Variants in TSHR observed in about 807,000 individuals in gnomAD.
TSHR encodes the protein thyrotropin receptor.
In TSHR, 51 loss-of-function variants were observed where a neutral mutation model predicts 64.1. The ratio of observed to expected loss-of-function variants is 0.80; its 90% CI spans 0.64 to 1.01. The LOEUF is 1.01. Among genes scored for constraint, TSHR ranks in the 50% least tolerant of loss-of-function variants. TSHR has a pLI of 0.00. For missense variants in TSHR, 877 were observed against 942.8 expected (o/e 0.93, Z 0.91); for synonymous variants, 361 against 361.9 (o/e 1.00, Z 0.03).
chr14:81,055,205 C>A (rs1038101865), intron 1 of TSHR, among the ~76,000 whole-genome samples: 1 of 152,176 alleles, frequency 6.6e-6, no homozygotes, highest in Non-Finnish European at 1.5e-5. Flanking sequence ...GCAGCTTCCA[C>A]ATGGTATAGA....
chr14:80,983,460 G>C, intron 1 of TSHR: 1 of 1,329,578 alleles, frequency 7.5e-7, no homozygotes, highest in South Asian at 1.3e-5. Flanking sequence ...GGCACTGGCA[G>C]CATCAAAACT....
chr14:81,103,276 A>G lies in TSHR; in HGVS notation c.615-5099A>G, dbSNP rs942475627. ...ATTTTAAACTAAGGCAAACACATCA[A>G]TCTCCTGTAATTATCTTAATAGTGT... On this transcript the variant is annotated intron_variant, in intron 7 of 9. Transcript: ENST00000298171. The surrounding 1 kb of genome is among the most constrained non-coding windows in gnomAD (Gnocchi z 4.1). 223 of 985,332 alleles carry G rather than the reference A, an allele frequency of 2.3e-4. No individual in the cohort carries two copies. Among genetic ancestry groups the G allele is most frequent in the Non-Finnish European group, 2.6e-4 (216 of 829,944 alleles). The allele number at this position is 985,332 out of a possible 1,614,324, so 61.0% of individuals were successfully genotyped here.
At chr14:81,009,558 A>G (rs531595144) in intron 1 of TSHR, among the ~76,000 whole-genome samples, 28 of 152,204 alleles carry the variant, frequency 1.8e-4, no homozygotes, top group Middle Eastern at 3.4e-3. Flanking sequence ...TCTTCGTTTT[A>G]TCATATCTGC....
At chr14:80,986,129 C>T (rs371384991) in intron 1 of TSHR, among the ~76,000 whole-genome samples, 76 of 152,112 alleles carry the variant, frequency 5.0e-4, no homozygotes, top group Admixed American at 1.8e-3. Flanking sequence ...TTCAGGTATT[C>T]ATTTGAAATA....
At chr14:81,127,849 A>T (rs187269641) in intron 8 of TSHR, among the ~76,000 whole-genome samples, 1 of 152,284 alleles carries the variant, frequency 6.6e-6, no homozygotes, top group Non-Finnish European at 1.5e-5. Context: ...GCCACGTGGA[A>T]CTGTGAGTCC....
At position 81,145,654 on chromosome 14, in the gene TSHR, C is replaced by T. The variant is rs1296374418; in HGVS notation, c.*1301C>T. On this transcript the variant is annotated 3_prime_UTR_variant, in exon 10 of 10. Coordinates refer to ENST00000298171, the MANE Select transcript of TSHR (RefSeq NM_000369.5). ...GATGATTTTTGCCATTTCCAGTCCACGGTATGATACTAAAGCTGTCAAGAG... is the reference window on the plus strand; with the variant it reads ...GATGATTTTTGCCATTTCCAGTCCATGGTATGATACTAAAGCTGTCAAGAG... The T allele has an allele frequency of 8.6e-6, 2 of 232,980 alleles. No homozygotes were observed. Among genetic ancestry groups the T allele is most frequent in the South Asian group, 1.8e-4 (1 of 5,532 alleles). The allele number at this position is 232,980 out of a possible 1,614,324, so 14.4% of individuals were successfully genotyped here. A position where few individuals can be genotyped will look rare whatever the true frequency, so the allele number is the denominator to read the frequency against.
intron 7 of TSHR, among the ~76,000 whole-genome samples, chr14:81,097,691 G>T (rs1012727304): frequency 1.3e-5 from 2 of 152,196 alleles, no homozygotes; most frequent in Admixed American, 1.3e-4. Context: ...TGGTTTAGGG[G>T]TTAGGTGGTA....
At chr14:81,059,292 C>A in intron 1 of TSHR, among the ~76,000 whole-genome samples, 1 of 152,098 alleles carries the variant, frequency 6.6e-6, no homozygotes, top group Admixed American at 6.6e-5. Flanking sequence ...TAAGCTCAAT[C>A]AAACTAATCA....
At chr14:81,087,051 A>G (rs1335937545) in intron 3 of TSHR, among the ~76,000 whole-genome samples, 2 of 152,236 alleles carry the variant, frequency 1.3e-5, no homozygotes, top group African/African-American at 4.8e-5. Flanking sequence ...CCTACATACA[A>G]TGTTTGAAGT....
intron 7 of TSHR, among the ~76,000 whole-genome samples, chr14:81,098,153 C>T (rs1889336377): frequency 6.6e-6 from 1 of 152,210 alleles, no homozygotes; most frequent in Admixed American, 6.5e-5. Context: ...TCCCTGCCCA[C>T]ACTGAGCGTA....
chr14:80,990,874 C>T (rs1484098483), intron 1 of TSHR, among the ~76,000 whole-genome samples: 2 of 152,088 alleles, frequency 1.3e-5, no homozygotes, highest in Non-Finnish European at 2.9e-5. Flanking sequence ...AGGCTGGTCT[C>T]GAACTCCTGA....
intron 8 of TSHR, among the ~76,000 whole-genome samples, chr14:81,121,591 A>G (rs1379432321): frequency 6.6e-6 from 1 of 152,174 alleles, no homozygotes; most frequent in African/African-American, 2.4e-5. Flanking sequence ...TCTTGGGAAC[A>G]TGATGTCTAC....
At chr14:81,083,688 T>C (rs966190188) in intron 3 of TSHR, among the ~76,000 whole-genome samples, 2 of 152,200 alleles carry the variant, frequency 1.3e-5, no homozygotes, top group East Asian at 3.8e-4. Flanking sequence ...GAAAAAAAAG[T>C]ACACTGTTTC....
chr14:81,092,478 C>T, intron 5 of TSHR, 53 bp from the exon 6 acceptor site: 2 of 1,528,526 alleles, frequency 1.3e-6, no homozygotes, highest in Non-Finnish European at 1.8e-6. Context: ...AAGACCCCTG[C>T]TGCAGAAGGA....
At position 81,103,440 on chromosome 14, in the gene TSHR, G is replaced by T. The variant is rs1889709606; in HGVS notation, c.615-4935G>T. On this transcript the variant is annotated intron_variant, in intron 7 of 9. Coordinates refer to ENST00000298171, the MANE Select transcript of TSHR (RefSeq NM_000369.5). This position sits in a 1 kb window ranked among gnomAD's most constrained non-coding sequence, Gnocchi z 4.1. Reference sequence around the variant, plus strand: ...TCATTCCACTTCATGACAATTTACTGAAATTAGCAGATCGACCTCATTTAC... The same window carrying T: ...TCATTCCACTTCATGACAATTTACTTAAATTAGCAGATCGACCTCATTTAC... 1 of 985,432 alleles carries T rather than the reference G, an allele frequency of 1.0e-6. No homozygotes were observed. The highest frequency in any genetic ancestry group is 1.2e-6 in the Non-Finnish European group (1 of 829,938). The allele number at this position is 985,432 out of a possible 1,614,324, so 61.0% of individuals were successfully genotyped here.
At chr14:81,106,035 G>C (rs185779899) in intron 7 of TSHR, among the ~76,000 whole-genome samples, 45 of 152,242 alleles carry the variant, frequency 3.0e-4, no homozygotes, top group Non-Finnish European at 5.1e-4. Flanking sequence ...TGGGTTAAAG[G>C]AGAGTCAAAC....
intron 1 of TSHR, chr14:80,994,979 T>A (rs1466978507): frequency 3.3e-5 from 5 of 152,004 alleles, no homozygotes; most frequent in Non-Finnish European, 5.9e-5. Flanking sequence ...GGAGAAAAAA[T>A]TCGCAAACTA....
At chr14:80,972,367 T>C (rs1887627863) in intron 1 of TSHR, among the ~76,000 whole-genome samples, 1 of 152,198 alleles carries the variant, frequency 6.6e-6, no homozygotes, top group Non-Finnish European at 1.5e-5. Context: ...ACATATAATA[T>C]CTCAGTGTTC....
At chr14:81,049,969 T>C (rs1459187277) in intron 1 of TSHR, 1 of 152,210 alleles carries the variant, frequency 6.6e-6, no homozygotes, top group Non-Finnish European at 1.5e-5. Flanking sequence ...TATTTATTTA[T>C]AGCAGTACAA....
Sources: gnomAD v4.1 joint callset for allele counts (sites outside exome capture counted in the v4.1 genomes callset) on GRCh38, gnomAD v4.1.1 for gene constraint, Gnocchi (gnomAD v3.1) non-coding constraint, MANE v1.5 for transcripts, NCBI Gene and HGNC (gene_info 2026-07-23, HGNC 2026-07-21) for gene names.